The following SLC49A4 variants were observed in gnomAD, a reference collection of about 807,000 sequenced individuals.
SLC49A4 encodes the protein solute carrier family 49 member 4.
In SLC49A4, 36 loss-of-function variants were observed where a neutral mutation model predicts 50.6. The observed-to-expected ratio is 0.71, with a 90% CI of 0.55 to 0.94. The LOEUF (loss-of-function observed/expected upper bound fraction) is 0.94, where lower values mean the gene tolerates loss of function less well. SLC49A4 is among the 40% of genes least tolerant of loss of function. SLC49A4 has a pLI of 0.00. For missense variants in SLC49A4, 503 were observed against 605.7 expected (o/e 0.83, Z 1.78); for synonymous variants, 248 against 241.2 (o/e 1.03, Z -0.26).
At chr3:122,870,763 G>A (rs927905943) in intron 7 of SLC49A4, among the ~76,000 whole-genome samples, 1 of 150,890 alleles carries the variant, frequency 6.6e-6, no homozygotes, top group African/African-American at 2.4e-5. Context: ...GCAGTGAGCC[G>A]AGATCACACC....
At position 122,880,042 on chromosome 3, in the gene SLC49A4, A is replaced by G. The variant is rs1430541419; in HGVS notation, c.*664A>G. The G allele has an allele frequency of 1.3e-5, 2 of 152,526 alleles. No individual in the cohort carries two copies. Among genetic ancestry groups the G allele is most frequent in the East Asian group, 1.9e-4 (1 of 5,200 alleles). The allele number at this position is 152,526 out of a possible 1,614,324, so 9.4% of individuals were successfully genotyped here. On this transcript the variant is annotated 3_prime_UTR_variant, in exon 9 of 9. Coordinates refer to ENST00000261038, the MANE Select transcript of SLC49A4 (RefSeq NM_032839.3). Reference sequence around the variant, plus strand: ...CTTATCCTTGTTTCTGTGAAATACAATTTCATCTACTAGGCCCTTAAATAA... The same window carrying G: ...CTTATCCTTGTTTCTGTGAAATACAGTTTCATCTACTAGGCCCTTAAATAA...
chr3:122,831,448 G>A (rs1056586523), intron 3 of SLC49A4, among the ~76,000 whole-genome samples: 2 of 152,016 alleles, frequency 1.3e-5, no homozygotes, highest in Admixed American at 1.3e-4. Context: ...AAATACTAAA[G>A]TACTGATACA....
chr3:122,852,139 G>A (rs148543543), intron 5 of SLC49A4, among the ~76,000 whole-genome samples: 5 of 152,004 alleles, frequency 3.3e-5, no homozygotes, highest in East Asian at 3.9e-4. Flanking sequence ...CTACAGGCGC[G>A]TACAACCATA....
chr3:122,812,864 G>A (rs1301685643), intron 2 of SLC49A4, among the ~76,000 whole-genome samples: 2 of 152,152 alleles, frequency 1.3e-5, no homozygotes, highest in Non-Finnish European at 2.9e-5. Flanking sequence ...TAAAACTCAT[G>A]ACTATGTCTG....
At chr3:122,834,855 A>G (rs1036866258) in intron 4 of SLC49A4, among the ~76,000 whole-genome samples, 1 of 152,188 alleles carries the variant, frequency 6.6e-6, no homozygotes, top group Non-Finnish European at 1.5e-5. Context: ...TCAATTAAAA[A>G]TGAAAATGGA....
chr3:122,833,544 C>G (rs968413247), intron 4 of SLC49A4, 98 bp downstream of exon 4: 22 of 1,156,018 alleles, frequency 1.9e-5, no homozygotes, highest in Non-Finnish European at 2.6e-5. Context: ...TTTCAGCAAC[C>G]TATTAATTAG....
At chr3:122,822,273 C>T (rs1936464135) in intron 2 of SLC49A4, among the ~76,000 whole-genome samples, 1 of 152,144 alleles carries the variant, frequency 6.6e-6, no homozygotes, top group African/African-American at 2.4e-5. Flanking sequence ...TTTCTGAGAG[C>T]CAGCTTCTTT....
At chr3:122,865,324 G>A (rs1937103782) in intron 7 of SLC49A4, among the ~76,000 whole-genome samples, 1 of 152,230 alleles carries the variant, frequency 6.6e-6, no homozygotes, top group South Asian at 2.1e-4. Context: ...CTTACAGTTA[G>A]AGGGCTTGAC....
intron 2 of SLC49A4, among the ~76,000 whole-genome samples, chr3:122,809,365 G>C (rs1936266115): frequency 6.6e-6 from 1 of 151,914 alleles, no homozygotes; most frequent in African/African-American, 2.4e-5. Context: ...GTTTTTTCAA[G>C]CATCCACAGA....
At chr3:122,835,564 T>TA (rs1177468003) in intron 4 of SLC49A4, among the ~76,000 whole-genome samples, 483 of 146,362 alleles carry the variant, frequency 3.3e-3, no homozygotes, top group African/African-American at 4.2e-3. Flanking sequence ...CTCTTTATGA[T>TA]AAAAAAAAAA....
Position 122,862,954 on chromosome 3 carries a change from C to A in SLC49A4, c.1138+2752C>A, listed in dbSNP as rs148090165. Among the ~76,000 whole-genome samples, 312 of 152,030 alleles carry A rather than the reference C, an allele frequency of 2.1e-3. 1 individual carries two copies. Among genetic ancestry groups the A allele is most frequent in the African/African-American group, 6.9e-3 (285 of 41,446 alleles). ...TAAATCTTAAAATTGATGTGATTGACCCTAGTCAAGACCATATTTTACCAG... is the reference window on the plus strand; with the variant it reads ...TAAATCTTAAAATTGATGTGATTGAACCTAGTCAAGACCATATTTTACCAG... On this transcript the variant is annotated intron_variant, in intron 7 of 8. Coordinates refer to ENST00000261038, the MANE Select transcript of SLC49A4 (RefSeq NM_032839.3).
chr3:122,820,486 G>A (rs1281004519), intron 2 of SLC49A4, among the ~76,000 whole-genome samples: 1 of 152,176 alleles, frequency 6.6e-6, no homozygotes, highest in African/African-American at 2.4e-5. Context: ...TAATTTAGGA[G>A]TCATAGGTAT....
At chr3:122,848,537 A>G (rs1265922780) in intron 5 of SLC49A4, among the ~76,000 whole-genome samples, 1 of 152,054 alleles carries the variant, frequency 6.6e-6, no homozygotes, top group East Asian at 1.9e-4. Context: ...ATTTCTCCTC[A>G]TTTACTTAGG....
At chr3:122,804,089 C>T (rs190912347) in intron 1 of SLC49A4, among the ~76,000 whole-genome samples, 4 of 152,222 alleles carry the variant, frequency 2.6e-5, no homozygotes, top group Admixed American at 6.5e-5. Context: ...CATGGTTCTG[C>T]GGGTTTTACA....
At chr3:122,852,971 A>G (rs1936943885) in intron 5 of SLC49A4, among the ~76,000 whole-genome samples, 1 of 152,120 alleles carries the variant, frequency 6.6e-6, no homozygotes, top group Non-Finnish European at 1.5e-5. Context: ...CAGATTTTCT[A>G]GTTCTCAACC....
chr3:122,872,362 A>G (rs1937206655), intron 7 of SLC49A4, 53 bp from the exon 8 acceptor site: 2 of 1,457,016 alleles, frequency 1.4e-6, no homozygotes, highest in East Asian at 4.6e-5. Flanking sequence ...GATCTATCTG[A>G]TATGACTCAC....
rs1429436834 is a variant in SLC49A4 at position 122,833,455 on chromosome 3, A to C, written c.833+9A>C. 3.7e-6 allele frequency: 6 copies of C among 1,608,858 alleles called. No individual in the cohort carries two copies. The African/African-American group carries it at 8.0e-5, about 22-fold the overall frequency. ...GTTTGTAGATTATTAAGGTAAATAT[A>C]CTGAGAGTCACTGGATGGCTTTGAC... On this transcript the variant is annotated intron_variant, in intron 4 of 8. Transcript: ENST00000261038.
chr3:122,802,696 A>G (rs1029397580), intron 1 of SLC49A4, among the ~76,000 whole-genome samples: 1 of 152,230 alleles, frequency 6.6e-6, no homozygotes, highest in Non-Finnish European at 1.5e-5. Flanking sequence ...AAAGAACAAC[A>G]TTGAACTTCT....
intron 3 of SLC49A4, among the ~76,000 whole-genome samples, chr3:122,829,173 G>C (rs1016930369): frequency 3.9e-5 from 6 of 152,136 alleles, no homozygotes; most frequent in Non-Finnish European, 7.4e-5. Context: ...AAACACAAAA[G>C]TCCTGAACAA....
Sources: allele counts gnomAD v4.1 joint callset (sites outside exome capture counted in the v4.1 genomes callset), GRCh38; gene constraint gnomAD v4.1.1; transcripts MANE v1.5; gene names NCBI Gene and HGNC (gene_info 2026-07-23, HGNC 2026-07-21).